Variants in SLMAP observed in about 807,000 individuals in gnomAD.
SLMAP encodes sarcolemmal membrane-associated protein.
In SLMAP, 44 loss-of-function variants were observed where a neutral mutation model predicts 128.8. That is an observed-to-expected ratio of 0.34 (90% CI 0.27 to 0.44). SLMAP has a LOEUF of 0.44. Among genes scored for constraint, SLMAP ranks in the 20% least tolerant of loss-of-function variants. SLMAP has a pLI of 1.00. For missense variants in SLMAP, 787 were observed against 985.3 expected, an observed-to-expected ratio of 0.80 and a Z score of 2.69; for synonymous variants, 327 against 348.8, an observed-to-expected ratio of 0.94 and a Z score of 0.70.
chr3:57,896,978 C>T (rs2096259041), intron 17 of SLMAP, 46 bp downstream of exon 17: 1 of 1,609,472 alleles, frequency 6.2e-7, no homozygotes, highest in African/African-American at 1.3e-5. Flanking sequence ...GGTATCAAAT[C>T]ACCCTTTGCC....
intron 2 of SLMAP, among the ~76,000 whole-genome samples, chr3:57,811,432 A>G (rs778485496): frequency 6.6e-6 from 1 of 152,180 alleles, no homozygotes; most frequent in Non-Finnish European, 1.5e-5. Context: ...CTTCCTTTCT[A>G]AGGCTGAATA....
intron 22 of SLMAP, chr3:57,918,601 A>T (rs773138228): frequency 6.6e-6 from 1 of 152,172 alleles, no homozygotes; most frequent in South Asian, 2.1e-4. Flanking sequence ...CTGTTTGTCC[A>T]GATGTTAACA....
chr3:57,902,690 C>T (rs1466725163), intron 17 of SLMAP, among the ~76,000 whole-genome samples: 1 of 152,076 alleles, frequency 6.6e-6, no homozygotes, highest in East Asian at 1.9e-4. Context: ...AGATGGAAGT[C>T]AGCTATGACT....
At chr3:57,819,452 C>T (rs143047741) in intron 2 of SLMAP, among the ~76,000 whole-genome samples, 46 of 152,140 alleles carry the variant, frequency 3.0e-4, no homozygotes, top group African/African-American at 1.1e-3. Context: ...ATTTGTTTGC[C>T]AAATAAATTC....
intron 4 of SLMAP, among the ~76,000 whole-genome samples, chr3:57,844,141 C>G (rs2094123822): frequency 6.6e-6 from 1 of 151,856 alleles, no homozygotes; most frequent in East Asian, 2.0e-4. Context: ...GCCTGTAATC[C>G]CAGCACTTTG....
At chr3:57,813,210 C>G (rs748566771) in intron 2 of SLMAP, among the ~76,000 whole-genome samples, 2 of 151,804 alleles carry the variant, frequency 1.3e-5, no homozygotes, top group Non-Finnish European at 2.9e-5. Flanking sequence ...ATTCTCCTGC[C>G]TCAGCGTCTC....
intron 14 of SLMAP, among the ~76,000 whole-genome samples, chr3:57,888,450 C>G (rs1375126818): frequency 6.6e-6 from 1 of 151,916 alleles, no homozygotes; most frequent in Non-Finnish European, 1.5e-5. Flanking sequence ...AACCCCGTCT[C>G]TACTAAAAAT....
intron 22 of SLMAP, among the ~76,000 whole-genome samples, chr3:57,919,383 G>GAAA (rs1196503584): frequency 8.3e-6 from 1 of 120,042 alleles, no homozygotes; most frequent in Non-Finnish European, 1.8e-5. Flanking sequence ...CTCCATCTCA[G>GAAA]AAAAAAAAAA....
chr3:57,834,114 C>G (rs2093499357), intron 3 of SLMAP, among the ~76,000 whole-genome samples: 1 of 152,016 alleles, frequency 6.6e-6, no homozygotes, highest in Admixed American at 6.6e-5. Flanking sequence ...TACAGTAAGT[C>G]TTTTAGTCAG....
At chr3:57,895,042 A>C (rs573065676) in intron 15 of SLMAP, among the ~76,000 whole-genome samples, 1 of 152,178 alleles carries the variant, frequency 6.6e-6, no homozygotes, top group African/African-American at 2.4e-5. Flanking sequence ...CTGTAATTCT[A>C]GCACTTGGGA....
At chr3:57,785,234 C>G (rs1202897268) in intron 2 of SLMAP, among the ~76,000 whole-genome samples, 2 of 152,100 alleles carry the variant, frequency 1.3e-5, no homozygotes, top group East Asian at 1.9e-4. Flanking sequence ...AGGGATTACA[C>G]CAGTCATAAT....
At chr3:57,786,762 C>G (rs1279692148) in intron 2 of SLMAP, among the ~76,000 whole-genome samples, 1 of 134,362 alleles carries the variant, frequency 7.4e-6, no homozygotes, top group Non-Finnish European at 1.5e-5. Flanking sequence ...GAGTTGGAGT[C>G]TCGCTCTGTC....
rs2096017103 is a variant in SLMAP, at chr3:57,890,060, G to T, written c.1320G>T (p.Gly440=). 6.2e-7 allele frequency: 1 copy of T among 1,613,648 alleles called. No individual in the cohort carries two copies. The highest frequency in any genetic ancestry group is 2.2e-5 in the East Asian group (1 of 44,874). ...IECQKKLIVE[G]HLTKAVEETK... Reference sequence around the variant, plus strand: ...TGGCAGAGAAGCTGATCGTCGAAGGGCATCTAACCAAAGCGGTAGAAGAAA... The same window carrying T: ...TGGCAGAGAAGCTGATCGTCGAAGGTCATCTAACCAAAGCGGTAGAAGAAA... Residue 440 remains glycine, a synonymous_variant, in exon 15 of 25, where the codon GGG becomes GGT. Coordinates refer to ENST00000671191, the MANE Select transcript of SLMAP (RefSeq NM_001377540.1).
chr3:57,793,894 C>CT (rs1292032460), intron 2 of SLMAP, among the ~76,000 whole-genome samples: 4 of 132,770 alleles, frequency 3.0e-5, no homozygotes, highest in East Asian at 4.3e-4. Flanking sequence ...AACTATCTTT[C>CT]TTAAAAAAAA....
intron 2 of SLMAP, among the ~76,000 whole-genome samples, chr3:57,761,987 C>T (rs964978817): frequency 2.1e-5 from 3 of 143,788 alleles, no homozygotes; most frequent in African/African-American, 7.9e-5. Flanking sequence ...GCGGAGCTTG[C>T]AGTGAGCCGA....
chr3:57,767,554 A>G (rs760783048), intron 2 of SLMAP, among the ~76,000 whole-genome samples: 3 of 152,252 alleles, frequency 2.0e-5, no homozygotes, highest in Admixed American at 1.3e-4. Flanking sequence ...GATTGGTGAT[A>G]TGAAATTATA....
chr3:57,757,370 A>G lies in SLMAP; in HGVS notation c.-282A>G. On this transcript the variant is annotated 5_prime_UTR_variant, in exon 2 of 25. Transcript: ENST00000671191. ...CTTGGCCGAAGCTGCCCGATGTTTG[A>G]GCCTTTTCTTCCCAGAGAAGAAGAT... 1 of 495,332 alleles carries G rather than the reference A, an allele frequency of 2.0e-6. No individual in the cohort carries two copies. Among genetic ancestry groups the G allele is most frequent in the Non-Finnish European group, 3.7e-6 (1 of 272,634 alleles). The allele number at this position is 495,332 out of a possible 1,614,324, so 30.7% of individuals were successfully genotyped here. A position where few individuals can be genotyped will look rare whatever the true frequency, so the allele number is the denominator to read the frequency against.
chr3:57,857,743 A>T lies in SLMAP; in HGVS notation c.530A>T (p.His177Leu). Residue 177 changes from histidine to leucine, a missense_variant, in exon 7 of 25, where the codon CAT (histidine) becomes CTT (leucine). His to Leu is a moderately conservative substitution (Grantham distance 99). Coordinates refer to ENST00000671191, the MANE Select transcript of SLMAP (RefSeq NM_001377540.1). ...GATTTGTAATACTAGGAGGCCTTACATCGGGAACAAATGTTGGAACAGAAG... is the reference window on the plus strand; with the variant it reads ...GATTTGTAATACTAGGAGGCCTTACTTCGGGAACAAATGTTGGAACAGAAG... Reference protein sequence around the residue: ...QLSQYLQEALHREQMLEQKLA... With the variant: ...QLSQYLQEALLREQMLEQKLA... 1 of 1,612,688 alleles carries T rather than the reference A, an allele frequency of 6.2e-7. No individual in the cohort carries two copies. Among genetic ancestry groups the T allele is most frequent in the South Asian group, 1.1e-5 (1 of 91,054 alleles).
intron 13 of SLMAP, among the ~76,000 whole-genome samples, chr3:57,866,536 C>G (rs2095308593): frequency 6.6e-6 from 1 of 152,150 alleles, no homozygotes; most frequent in African/African-American, 2.4e-5. Context: ...GTTCATTAAT[C>G]ATTGCTGTTT....
Sources: gnomAD v4.1 joint callset for allele counts (sites outside exome capture counted in the v4.1 genomes callset) on GRCh38, gnomAD v4.1.1 for gene constraint, MANE v1.5 for transcripts, NCBI Gene and HGNC (gene_info 2026-07-23, HGNC 2026-07-21) for gene names.